Variants in NEK11 observed in about 807,000 individuals in gnomAD.
NEK11 encodes the protein NIMA related kinase 11.
Under a neutral mutation model 80.7 loss-of-function variants are expected in NEK11, and 72 were observed. The ratio of observed to expected loss-of-function variants is 0.89; its 90% confidence interval spans 0.74 to 1.08. The LOEUF (loss-of-function observed/expected upper bound fraction) is 1.08, where lower values mean the gene tolerates loss of function less well. Among genes scored for constraint, NEK11 ranks in the 50% least tolerant of loss-of-function variants. NEK11 has a pLI of 0.00. For missense variants in NEK11, 764 were observed against 763.6 expected (o/e 1.00, Z -0.01); for synonymous variants, 251 against 260.7 (o/e 0.96, Z 0.36).
At chr3:131,188,791 T>A in intron 14 of NEK11, among the ~76,000 whole-genome samples, 1 of 152,148 alleles carries the variant, frequency 6.6e-6, no homozygotes, top group Non-Finnish European at 1.5e-5. Flanking sequence ...CTATAGAGCC[T>A]ACAGTGAAGT....
chr3:131,298,324 A>G (rs1581589481), intron 17 of NEK11, among the ~76,000 whole-genome samples: 2 of 152,112 alleles, frequency 1.3e-5, no homozygotes, highest in African/African-American at 2.4e-5. Context: ...ATTTCTTTGT[A>G]TTCTCTTTTA....
intron 4 of NEK11, among the ~76,000 whole-genome samples, chr3:131,104,182 G>T (rs1343840061): frequency 6.6e-6 from 1 of 152,148 alleles, no homozygotes. Flanking sequence ...TTTCTAGCCT[G>T]GGTGTTGGGG....
intron 14 of NEK11, among the ~76,000 whole-genome samples, chr3:131,182,202 A>G (rs1186492512): frequency 2.6e-5 from 4 of 151,984 alleles, no homozygotes; most frequent in African/African-American, 9.7e-5. Flanking sequence ...GCAAAACCTA[A>G]TATCTTTTTC....
intron 16 of NEK11, among the ~76,000 whole-genome samples, chr3:131,268,756 C>T (rs546534028): frequency 8.5e-5 from 13 of 152,336 alleles, no homozygotes; most frequent in African/African-American, 2.9e-4. Context: ...CAGGGACCCA[C>T]TTAAGGAGGC....
At chr3:131,046,399 A>T (rs62282226) in intron 3 of NEK11, among the ~76,000 whole-genome samples, 23,367 of 152,004 alleles carry the variant, frequency 0.15, 1,862 homozygotes, top group Non-Finnish European at 0.17. Flanking sequence ...TTCCTGGCTG[A>T]TAATTATTTT....
At chr3:131,131,682 A>G (rs2084509452) in intron 5 of NEK11, among the ~76,000 whole-genome samples, 1 of 151,266 alleles carries the variant, frequency 6.6e-6, no homozygotes, top group Non-Finnish European at 1.5e-5. Flanking sequence ...ATTTTTGTTG[A>G]TATTCTCTAT....
chr3:131,161,590 C>G (rs1178639442), intron 10 of NEK11, among the ~76,000 whole-genome samples: 1 of 152,090 alleles, frequency 6.6e-6, no homozygotes, highest in Non-Finnish European at 1.5e-5. Flanking sequence ...ACCAGAAAAC[C>G]AAATAATGCA....
In NEK11 at chr3:131,284,288, G is replaced by T. The variant is rs564250907; in HGVS notation, c.1718+10714G>T. On this transcript the variant is annotated intron_variant, in intron 17 of 17. Coordinates refer to ENST00000383366, the MANE Select transcript of NEK11 (RefSeq NM_024800.5). ...ATAACTGTAGCCCAGATGTCAGCCA[G>T]CTTGTCCCTGCCTCTCCAGATCTAG... 8.5e-5 allele frequency among the ~76,000 whole-genome samples: 13 copies of T among 152,284 alleles called. No individual in the cohort carries two copies. In the East Asian group the frequency reaches 2.5e-3, roughly 29 times the overall value.
At chr3:131,279,645 T>C (rs2108792792) in intron 17 of NEK11, among the ~76,000 whole-genome samples, 1 of 152,312 alleles carries the variant, frequency 6.6e-6, no homozygotes, top group Non-Finnish European at 1.5e-5. Flanking sequence ...ATGGTCTACT[T>C]TCTGTCCCTA....
intron 17 of NEK11, among the ~76,000 whole-genome samples, chr3:131,319,462 A>T (rs912691128): frequency 6.6e-6 from 1 of 152,190 alleles, no homozygotes; most frequent in Non-Finnish European, 1.5e-5. Context: ...AATTATGCCC[A>T]GAGTGCCATG....
At chr3:131,039,711 A>G (rs1476269635) in intron 3 of NEK11, among the ~76,000 whole-genome samples, 2 of 152,224 alleles carry the variant, frequency 1.3e-5, no homozygotes. Flanking sequence ...TGAGATATGT[A>G]TATGACTTAA....
intron 17 of NEK11, among the ~76,000 whole-genome samples, chr3:131,291,062 C>T (rs1392803355): frequency 6.6e-6 from 1 of 152,136 alleles, no homozygotes; most frequent in Non-Finnish European, 1.5e-5. Flanking sequence ...AGAATAGTTT[C>T]ACTACCCTAA....
intron 7 of NEK11, among the ~76,000 whole-genome samples, chr3:131,139,535 T>C (rs895919211): frequency 6.6e-6 from 1 of 152,058 alleles, no homozygotes; most frequent in Non-Finnish European, 1.5e-5. Flanking sequence ...TATATAAGTA[T>C]AAGAAGGTTA....
intron 17 of NEK11, among the ~76,000 whole-genome samples, chr3:131,320,493 C>G (rs190507022): frequency 6.6e-6 from 1 of 151,380 alleles, no homozygotes; most frequent in East Asian, 1.9e-4. Flanking sequence ...TAATGCAAAT[C>G]TGTCCTCCAG....
At chr3:131,315,556 T>TC (rs1289838450) in intron 17 of NEK11, among the ~76,000 whole-genome samples, 2 of 149,788 alleles carry the variant, frequency 1.3e-5, no homozygotes, top group East Asian at 2.0e-4. Flanking sequence ...TTTTTTTTTT[T>TC]CTTCAACTTT....
At chr3:131,333,353 T>C (rs2097127192) in intron 17 of NEK11, among the ~76,000 whole-genome samples, 1 of 152,212 alleles carries the variant, frequency 6.6e-6, no homozygotes, top group Admixed American at 6.5e-5. Flanking sequence ...CAGAATTTCA[T>C]ATCCAGCCAA....
At chr3:131,208,782 T>C (rs1321010515) in intron 14 of NEK11, among the ~76,000 whole-genome samples, 1 of 152,190 alleles carries the variant, frequency 6.6e-6, no homozygotes, top group Non-Finnish European at 1.5e-5. Flanking sequence ...TATTGGTGTA[T>C]AAGAATGCTT....
At chr3:131,196,568 C>T (rs983173621) in intron 14 of NEK11, among the ~76,000 whole-genome samples, 1 of 151,722 alleles carries the variant, frequency 6.6e-6, no homozygotes, top group African/African-American at 2.4e-5. Context: ...GTGTCTCACT[C>T]TGCCACACAA....
At chr3:131,155,997 C>T (rs746480266) in intron 10 of NEK11, among the ~76,000 whole-genome samples, 10 of 152,010 alleles carry the variant, frequency 6.6e-5, no homozygotes, top group Admixed American at 3.9e-4. Flanking sequence ...CAAGAAACGT[C>T]GAAATTTCCA....
Sources: allele counts gnomAD v4.1 joint callset (sites outside exome capture counted in the v4.1 genomes callset), GRCh38; gene constraint gnomAD v4.1.1; transcripts MANE v1.5; gene names NCBI Gene and HGNC (gene_info 2026-07-23, HGNC 2026-07-21).